CNTNAP5: variants seen among roughly 807,000 people sequenced by gnomAD.
CNTNAP5 encodes contactin associated protein family member 5.
A neutral mutation model predicts 150.2 loss-of-function variants in CNTNAP5; 72 were observed. The ratio of observed to expected loss-of-function variants is 0.48; its 90% CI spans 0.40 to 0.58. The LOEUF is 0.58. CNTNAP5 is among the 20% of genes least tolerant of loss of function. The pLI is 0.00. For synonymous variants in CNTNAP5, 672 were observed against 619.8 expected (o/e 1.08, Z -1.25); for missense variants, 1,636 against 1,626.2 (o/e 1.01, Z -0.10).
intron 1 of CNTNAP5, among the ~76,000 whole-genome samples, chr2:124,106,303 C>T (rs56115267): frequency 6.6e-6 from 1 of 151,964 alleles, no homozygotes. Context: ...TTTGGTGTGC[C>T]AACAAGTTAC....
intron 23 of CNTNAP5, among the ~76,000 whole-genome samples, chr2:124,912,117 T>C (rs1229707468): frequency 1.3e-5 from 2 of 152,098 alleles, no homozygotes; most frequent in Non-Finnish European, 2.9e-5. Context: ...CACTTTTTTA[T>C]TCTGCTTCAG....
chr2:124,235,378 C>T (rs1205331072), intron 2 of CNTNAP5, among the ~76,000 whole-genome samples: 1 of 151,964 alleles, frequency 6.6e-6, no homozygotes, highest in African/African-American at 2.4e-5. Context: ...AGAACATCCT[C>T]AACAAGACCA....
intron 11 of CNTNAP5, among the ~76,000 whole-genome samples, chr2:124,570,671 G>A (rs767117871): frequency 2.1e-4 from 32 of 152,112 alleles, no homozygotes; most frequent in Non-Finnish European, 5.9e-5. Context: ...GAAGGTGTGG[G>A]TACTAGGGAC....
rs11886236 is a variant in CNTNAP5, at chr2:124,444,269, T to C, written c.734-2484T>C. Among the ~76,000 whole-genome samples, 230 of 152,096 alleles carry C rather than the reference T, an allele frequency of 1.5e-3. 1 individual carries two copies. The highest frequency in any genetic ancestry group is 5.2e-3 in the African/African-American group (214 of 41,476). ...AGCCAGTCTTACCTTCTAATCCAAT[T>C]CCCACACAGCTGCCAAAATAACCTT... On this transcript the variant is annotated intron_variant, in intron 5 of 23. Transcript: ENST00000682447.
intron 12 of CNTNAP5, among the ~76,000 whole-genome samples, chr2:124,643,007 A>G (rs1449120756): frequency 2.0e-5 from 3 of 152,216 alleles, no homozygotes; most frequent in Non-Finnish European, 4.4e-5. Context: ...AGAAGGCATG[A>G]TAGCTGCTCT....
At chr2:124,873,937 A>T (rs943008591) in intron 21 of CNTNAP5, among the ~76,000 whole-genome samples, 6 of 152,090 alleles carry the variant, frequency 3.9e-5, no homozygotes, top group Admixed American at 3.9e-4. Flanking sequence ...TGTCTGAGAA[A>T]GGAAAAATTC....
chr2:124,233,883 G>A (rs1261710147), intron 2 of CNTNAP5, among the ~76,000 whole-genome samples: 1 of 151,644 alleles, frequency 6.6e-6, no homozygotes, highest in East Asian at 1.9e-4. Context: ...AAGTCACAAG[G>A]TAGAAAGTGA....
At chr2:124,253,295 T>TAC (rs765635902) in intron 3 of CNTNAP5, among the ~76,000 whole-genome samples, 5 of 152,114 alleles carry the variant, frequency 3.3e-5, no homozygotes, top group Non-Finnish European at 7.4e-5. Flanking sequence ...TATACTTTTG[T>TAC]ATATATATTT....
intron 11 of CNTNAP5, among the ~76,000 whole-genome samples, chr2:124,590,328 C>T (rs6744929): frequency 0.49 from 75,134 of 151,946 alleles, 19,026 homozygotes; most frequent in East Asian, 0.72. Context: ...CCATCTCTAC[C>T]AATCTCCTTT....
intron 8 of CNTNAP5, among the ~76,000 whole-genome samples, chr2:124,507,676 C>G (rs149134732): frequency 6.6e-6 from 1 of 152,140 alleles, no homozygotes; most frequent in Non-Finnish European, 1.5e-5. Flanking sequence ...TCGATCCATA[C>G]AAGGGAGAGC....
chr2:124,263,866 T>G (rs28602523), intron 3 of CNTNAP5, among the ~76,000 whole-genome samples: 62 of 152,320 alleles, frequency 4.1e-4, no homozygotes, highest in African/African-American at 1.4e-3. Flanking sequence ...CTTCTACATA[T>G]GGCAGCCAGT....
chr2:124,600,898 T>G (rs190275418), intron 11 of CNTNAP5, among the ~76,000 whole-genome samples: 30 of 152,250 alleles, frequency 2.0e-4, no homozygotes, highest in African/African-American at 7.0e-4. Flanking sequence ...TTAATTTACA[T>G]GCAGTGAAAT....
chr2:124,549,330 C>T (rs1176299012), intron 10 of CNTNAP5, among the ~76,000 whole-genome samples: 1 of 152,010 alleles, frequency 6.6e-6, no homozygotes, highest in African/African-American at 2.4e-5. Flanking sequence ...ATTAGTGGAC[C>T]CAATTATAAC....
At chr2:124,456,450 T>G (rs1693121193) in intron 6 of CNTNAP5, among the ~76,000 whole-genome samples, 1 of 152,184 alleles carries the variant, frequency 6.6e-6, no homozygotes, top group Admixed American at 6.5e-5. Flanking sequence ...CGTCCCATGC[T>G]CATGAATGGG....
chr2:124,246,866 C>T (rs1687042371), intron 3 of CNTNAP5, among the ~76,000 whole-genome samples: 1 of 152,064 alleles, frequency 6.6e-6, no homozygotes, highest in Admixed American at 6.6e-5. Flanking sequence ...ATTAAACTTG[C>T]AGTTTTCTCT....
At chr2:124,676,371 T>C (rs1678940116) in intron 13 of CNTNAP5, among the ~76,000 whole-genome samples, 1 of 152,210 alleles carries the variant, frequency 6.6e-6, no homozygotes, top group African/African-American at 2.4e-5. Flanking sequence ...ACCAGAAATA[T>C]GCTGAAGCTT....
At chr2:124,649,770 G>T (rs2105029902) in intron 13 of CNTNAP5, among the ~76,000 whole-genome samples, 1 of 152,232 alleles carries the variant, frequency 6.6e-6, no homozygotes, top group East Asian at 1.9e-4. Context: ...CCATGCAGTT[G>T]ATCTGAGGAT....
At chr2:124,645,226 G>A (rs916193723) in intron 12 of CNTNAP5, among the ~76,000 whole-genome samples, 2 of 152,030 alleles carry the variant, frequency 1.3e-5, no homozygotes, top group Non-Finnish European at 2.9e-5. Flanking sequence ...CATGAATTAT[G>A]TCTTATTTTT....
chr2:124,666,434 T>A (rs1488251767), intron 13 of CNTNAP5, among the ~76,000 whole-genome samples: 1 of 152,120 alleles, frequency 6.6e-6, no homozygotes, highest in Non-Finnish European at 1.5e-5. Context: ...TAGGTCTTAT[T>A]TATTAGTATC....
Sources: gnomAD v4.1 joint callset for allele counts (sites outside exome capture counted in the v4.1 genomes callset) on GRCh38, gnomAD v4.1.1 for gene constraint, MANE v1.5 for transcripts, NCBI Gene and HGNC (gene_info 2026-07-23, HGNC 2026-07-21) for gene names.